SGCD: variants seen among roughly 807,000 people sequenced by gnomAD.
SGCD encodes the protein delta-sarcoglycan.
SGCD carries 18 observed loss-of-function variants against 36.6 expected under a neutral mutation model. The observed-to-expected ratio is 0.49, with a 90% CI of 0.34 to 0.73. The LOEUF is 0.73. Among genes scored for constraint, SGCD ranks in the 30% least tolerant of loss-of-function variants. The probability of loss-of-function intolerance (pLI) is 0.01; values close to 1 mark genes in which losing one functional copy is unlikely to be tolerated. For missense variants in SGCD, 387 were observed against 346.7 expected (o/e 1.12, Z -0.92); for synonymous variants, 133 against 130.6 (o/e 1.02, Z -0.12).
the SGCD span, among the ~76,000 whole-genome samples, chr5:155,818,622 G>A: frequency 6.6e-6 from 1 of 152,202 alleles, no homozygotes; most frequent in African/African-American, 2.4e-5. Flanking sequence ...CTGGGCCCAA[G>A]TGATCCTCCC....
Position 156,442,941 on chromosome 5 carries a change from G to A in SGCD, c.193-65660G>A, listed in dbSNP as rs539363427. The stretch of plus-strand genomic sequence containing the variant: ...CGTAGCTGTGATGGAGCAAAAGAGG[G>A]AGTGGACCTACTTTATAGAGGATGT... On this transcript the variant is annotated intron_variant, in intron 3 of 8. Transcript: ENST00000337851. 4.6e-5 allele frequency among the ~76,000 whole-genome samples: 7 copies of A among 152,254 alleles called. No individual in the cohort carries two copies. The East Asian group carries it at 1.4e-3, about 29-fold the overall frequency.
At chr5:156,680,030 G>A (rs1253480509) in intron 7 of SGCD, among the ~76,000 whole-genome samples, 3 of 152,266 alleles carry the variant, frequency 2.0e-5, no homozygotes, top group South Asian at 2.1e-4. Context: ...AGTGTAATTA[G>A]GATTAGTTCA....
At chr5:156,505,389 A>C (rs1756652653) in intron 3 of SGCD, among the ~76,000 whole-genome samples, 1 of 152,232 alleles carries the variant, frequency 6.6e-6, no homozygotes, top group African/African-American at 2.4e-5. Flanking sequence ...TTATGAAGAC[A>C]GGATGGGGAA....
chr5:156,537,135 G>C (rs1561763451), intron 4 of SGCD, among the ~76,000 whole-genome samples: 1 of 152,142 alleles, frequency 6.6e-6, no homozygotes, highest in Non-Finnish European at 1.5e-5. Flanking sequence ...TTGTGAACAG[G>C]CTGTTTTCCC....
intron 1 of SGCD, among the ~76,000 whole-genome samples, chr5:155,984,543 T>C (rs1222632592): frequency 1.3e-5 from 2 of 152,238 alleles, no homozygotes; most frequent in Non-Finnish European, 2.9e-5. Flanking sequence ...TTATGGACAA[T>C]CGTTAGAACA....
intron 5 of SGCD, among the ~76,000 whole-genome samples, chr5:156,592,465 T>C (rs550544864): frequency 2.0e-5 from 3 of 152,306 alleles, no homozygotes; most frequent in African/African-American, 7.2e-5. Flanking sequence ...AAATCCCTCA[T>C]TGGACATCTC....
At chr5:156,637,047 C>T (rs1381161787) in intron 6 of SGCD, among the ~76,000 whole-genome samples, 1 of 152,106 alleles carries the variant, frequency 6.6e-6, no homozygotes, top group Non-Finnish European at 1.5e-5. Flanking sequence ...ATAATCACCA[C>T]CTGCTGTGGG....
At chr5:156,709,909 A>G (rs1754913384) in intron 7 of SGCD, among the ~76,000 whole-genome samples, 1 of 146,532 alleles carries the variant, frequency 6.8e-6, no homozygotes, top group South Asian at 2.1e-4. Context: ...AGCATACTGC[A>G]TCTCTAAACT....
the SGCD span, among the ~76,000 whole-genome samples, chr5:155,730,573 T>A: frequency 6.6e-6 from 1 of 152,068 alleles, no homozygotes; most frequent in East Asian, 1.9e-4. Flanking sequence ...GGAGGTTGGT[T>A]GGCTTTGGCA....
chr5:155,752,816 A>AT, the SGCD span, among the ~76,000 whole-genome samples: 2 of 152,134 alleles, frequency 1.3e-5, no homozygotes, highest in African/African-American at 4.8e-5. Context: ...AGCTTTTCAC[A>AT]TTGGCCCCTT....
rs571771366 is a variant in SGCD, at chr5:156,650,225, T to A, written c.575+2689T>A. ...CTCCACAATTTACAAGTAAATCTCC[T>A]AAGTCCAGTGCAACAAAATAAATAA... On this transcript the variant is annotated intron_variant, in intron 7 of 8. Coordinates refer to ENST00000337851, the MANE Select transcript of SGCD (RefSeq NM_000337.6). Among the ~76,000 whole-genome samples the A allele has an allele frequency of 5.3e-5, 8 of 152,302 alleles. No individual in the cohort carries two copies. The East Asian group carries it at 1.5e-3, about 29-fold the overall frequency.
At chr5:156,686,051 T>G (rs2113694481) in intron 7 of SGCD, among the ~76,000 whole-genome samples, 1 of 152,310 alleles carries the variant, frequency 6.6e-6, no homozygotes, top group African/African-American at 2.4e-5. Flanking sequence ...AAAACACTTT[T>G]GAAAGAATTT....
intron 6 of SGCD, among the ~76,000 whole-genome samples, chr5:156,608,349 C>T (rs570584030): frequency 4.2e-4 from 64 of 152,208 alleles, no homozygotes; most frequent in East Asian, 2.3e-3. Flanking sequence ...TGTAGTTGAG[C>T]GGTTTTGAGT....
chr5:156,298,382 C>G (rs1766955770), intron 3 of SGCD, among the ~76,000 whole-genome samples: 2 of 152,110 alleles, frequency 1.3e-5, no homozygotes. Context: ...TTCCCACCAA[C>G]AGTGTACAAG....
At chr5:156,463,747 C>A (rs1754599852) in intron 3 of SGCD, among the ~76,000 whole-genome samples, 1 of 152,156 alleles carries the variant, frequency 6.6e-6, no homozygotes, top group South Asian at 2.1e-4. Context: ...GTAATCCCAA[C>A]ACTTTGGGAG....
At chr5:156,262,024 T>C (rs1423385296) in intron 3 of SGCD, among the ~76,000 whole-genome samples, 1 of 152,150 alleles carries the variant, frequency 6.6e-6, no homozygotes, top group Non-Finnish European at 1.5e-5. Context: ...AAGTTTGTAA[T>C]TAAAAATTGA....
At chr5:156,537,754 A>G (rs139475118) in intron 4 of SGCD, among the ~76,000 whole-genome samples, 4 of 152,062 alleles carry the variant, frequency 2.6e-5, no homozygotes, top group Non-Finnish European at 5.9e-5. Flanking sequence ...TGCCTTAGCT[A>G]GTCCCATCCC....
chr5:156,093,805 G>A (rs1480914405), intron 1 of SGCD, among the ~76,000 whole-genome samples: 5 of 152,338 alleles, frequency 3.3e-5, no homozygotes, highest in African/African-American at 1.2e-4. Flanking sequence ...TAAGTGGGCT[G>A]ATGGGTGGCA....
the SGCD span, among the ~76,000 whole-genome samples, chr5:155,769,571 CT>C: frequency 6.6e-6 from 1 of 152,072 alleles, no homozygotes; most frequent in Non-Finnish European, 1.5e-5. Context: ...AACCCATTGT[CT>C]TCCTACTCTA....
Sources: gnomAD v4.1 joint callset for allele counts (sites outside exome capture counted in the v4.1 genomes callset) on GRCh38, gnomAD v4.1.1 for gene constraint, MANE v1.5 for transcripts, NCBI Gene and HGNC (gene_info 2026-07-23, HGNC 2026-07-21) for gene names.